Variants in TRAF3 observed in about 807,000 individuals in gnomAD.
TRAF3 encodes TNF receptor-associated factor 3.
A neutral mutation model predicts 62.3 loss-of-function variants in TRAF3; 13 were observed. That is an observed-to-expected ratio of 0.21 (90% CI 0.14 to 0.33). The LOEUF (loss-of-function observed/expected upper bound fraction) is 0.33. TRAF3 is among the 10% of genes least tolerant of loss of function. TRAF3 has a pLI of 1.00. For synonymous variants in TRAF3, 269 were observed against 283.4 expected (o/e 0.95, Z 0.51); for missense variants, 440 against 741.8 (o/e 0.59, Z 4.73).
intron 1 of TRAF3, among the ~76,000 whole-genome samples, chr14:102,819,257 C>T: frequency 6.6e-6 from 1 of 152,038 alleles, no homozygotes; most frequent in East Asian, 1.9e-4. Flanking sequence ...TTCCCTGTTA[C>T]TCCTCAGGGG....
At chr14:102,858,659 G>A (rs950310720) in intron 2 of TRAF3, among the ~76,000 whole-genome samples, 1 of 152,104 alleles carries the variant, frequency 6.6e-6, no homozygotes, top group African/African-American at 2.4e-5. Context: ...TGTGGCATAC[G>A]ATTTTACATA....
intron 1 of TRAF3, among the ~76,000 whole-genome samples, chr14:102,802,898 C>T (rs1207266460): frequency 1.3e-5 from 2 of 152,158 alleles, no homozygotes; most frequent in African/African-American, 4.8e-5. Context: ...ACTCACAGTT[C>T]AGCATGGCTG....
At chr14:102,831,939 T>C (rs531198055) in intron 2 of TRAF3, among the ~76,000 whole-genome samples, 68 of 152,314 alleles carry the variant, frequency 4.5e-4, no homozygotes, top group Admixed American at 5.9e-4. Flanking sequence ...GCTTCTAATA[T>C]ATGAGTTGAT....
chr14:102,862,016 A>G (rs1887706689), intron 2 of TRAF3, among the ~76,000 whole-genome samples: 1 of 152,168 alleles, frequency 6.6e-6, no homozygotes, highest in Non-Finnish European at 1.5e-5. Flanking sequence ...CTTTATTGAT[A>G]ATCTCATTTG....
At chr14:102,791,240 C>A (rs796721466) in intron 1 of TRAF3, among the ~76,000 whole-genome samples, 7 of 152,114 alleles carry the variant, frequency 4.6e-5, no homozygotes, top group African/African-American at 1.7e-4. Context: ...AGGATGGTTT[C>A]AATCTCCTGA....
chr14:102,874,906 C>G (rs1295737925), intron 4 of TRAF3, among the ~76,000 whole-genome samples: 1 of 152,168 alleles, frequency 6.6e-6, no homozygotes, highest in Non-Finnish European at 1.5e-5. Context: ...ATCCTCCTGC[C>G]TCGGTTTCCC....
Position 102,798,019 on chromosome 14 carries a change from G to T in TRAF3, c.-157+20344G>T, listed in dbSNP as rs564575884. 3.3e-5 allele frequency among the ~76,000 whole-genome samples: 5 copies of T among 152,218 alleles called. No homozygotes were observed. The South Asian group carries it at 1.0e-3, about 32-fold the overall frequency. ...CTCAGAGTGCTGGGATTACAGGTGT[G>T]AGCCACCACGCCCAGCCTAGGCACT... On this transcript the variant is annotated intron_variant, in intron 1 of 11. Coordinates refer to ENST00000392745, the MANE Select transcript of TRAF3 (RefSeq NM_145725.3).
chr14:102,797,896 C>T, intron 1 of TRAF3, among the ~76,000 whole-genome samples: 1 of 152,128 alleles, frequency 6.6e-6, no homozygotes, highest in Admixed American at 6.6e-5. Context: ...CACCACCACG[C>T]CTGGCTAAGT....
rs891138914 is a variant in TRAF3 at position 102,841,086 on chromosome 14, C to T, written c.-18+10614C>T. 5.3e-5 allele frequency among the ~76,000 whole-genome samples: 8 copies of T among 152,318 alleles called. No individual in the cohort carries two copies. The East Asian group carries it at 9.6e-4, about 18-fold the overall frequency. ...TACAATAAAACCTTTCTGACACAAACAGCCTTAGTTTGTCTCGAGAGGCAG... is the reference window on the plus strand; with the variant it reads ...TACAATAAAACCTTTCTGACACAAATAGCCTTAGTTTGTCTCGAGAGGCAG... On this transcript the variant is annotated intron_variant, in intron 2 of 11. Transcript: ENST00000392745.
At chr14:102,898,442 C>CA (rs1157676292) in intron 10 of TRAF3, among the ~76,000 whole-genome samples, 7 of 152,250 alleles carry the variant, frequency 4.6e-5, no homozygotes, top group Non-Finnish European at 2.9e-5. Flanking sequence ...AGTGATGTGT[C>CA]AGTCATCAGA....
At chr14:102,880,668 T>C (rs928005203) in intron 6 of TRAF3, among the ~76,000 whole-genome samples, 3 of 152,330 alleles carry the variant, frequency 2.0e-5, no homozygotes, top group East Asian at 3.9e-4. Context: ...TGTATGTTCA[T>C]TGAAGCAGTA....
chr14:102,884,551 T>C (rs1351464384), intron 6 of TRAF3, among the ~76,000 whole-genome samples: 1 of 152,142 alleles, frequency 6.6e-6, no homozygotes, highest in Non-Finnish European at 1.5e-5. Context: ...GGCTCACACC[T>C]GTAATCCCAG....
chr14:102,872,779 C>T (rs1320957161), intron 4 of TRAF3, among the ~76,000 whole-genome samples: 2 of 152,092 alleles, frequency 1.3e-5, no homozygotes, highest in African/African-American at 4.8e-5. Flanking sequence ...GCAGCCTCCA[C>T]CTCCCAGGTT....
chr14:102,868,051 GC>G (rs1197558165), intron 2 of TRAF3, among the ~76,000 whole-genome samples: 1 of 152,158 alleles, frequency 6.6e-6, no homozygotes, highest in Non-Finnish European at 1.5e-5. Context: ...CAAGGGCTCC[GC>G]CCGCCCACCC....
chr14:102,880,807 G>A (rs965080695), intron 6 of TRAF3, among the ~76,000 whole-genome samples: 2 of 152,224 alleles, frequency 1.3e-5, no homozygotes, highest in Admixed American at 6.5e-5. Context: ...GCTGGGCGCC[G>A]TGGCTTACGC....
chr14:102,823,418 A>G, intron 1 of TRAF3, among the ~76,000 whole-genome samples: 1 of 152,230 alleles, frequency 6.6e-6, no homozygotes, highest in East Asian at 1.9e-4. Context: ...CATGATTAAA[A>G]GTGCTACATT....
chr14:102,791,978 G>GTT (rs933987641), intron 1 of TRAF3, among the ~76,000 whole-genome samples: 4 of 150,468 alleles, frequency 2.7e-5, no homozygotes, highest in African/African-American at 9.8e-5. Flanking sequence ...ATGCCCTGCT[G>GTT]TTTTTTTTTA....
intron 2 of TRAF3, among the ~76,000 whole-genome samples, chr14:102,853,564 G>A (rs924571977): frequency 6.6e-6 from 1 of 152,108 alleles, no homozygotes; most frequent in Non-Finnish European, 1.5e-5. Context: ...GCCGGGCGTG[G>A]TGGCTCATGC....
At position 102,826,518 on chromosome 14, in the gene TRAF3, G is replaced by A. The variant is rs540093159; in HGVS notation, c.-156-3816G>A. On this transcript the variant is annotated intron_variant, in intron 1 of 11. Coordinates refer to ENST00000392745, the MANE Select transcript of TRAF3 (RefSeq NM_145725.3). The surrounding 1 kb of genome is among the most constrained non-coding windows in gnomAD (Gnocchi z 4.6). ...GGGTGGGAAGGGAGTCAGTGAAGAC[G>A]TCCTGGAGGAGAAGATTCCAGAGCC... Among the ~76,000 whole-genome samples, 2 of 152,272 alleles carry A rather than the reference G, an allele frequency of 1.3e-5. No homozygotes were observed. Among genetic ancestry groups the A allele is most frequent in the African/African-American group, 2.4e-5 (1 of 41,534 alleles).
Sources: allele counts gnomAD v4.1 joint callset (sites outside exome capture counted in the v4.1 genomes callset), GRCh38; gene constraint gnomAD v4.1.1; non-coding constraint Gnocchi (gnomAD v3.1); transcripts MANE v1.5; gene names NCBI Gene and HGNC (gene_info 2026-07-23, HGNC 2026-07-21).